NEK7: variants seen among roughly 807,000 people sequenced by gnomAD.
The protein encoded by NEK7 is NIMA related kinase 7, also known as serine/threonine-protein kinase Nek7.
Under a neutral mutation model 44.6 loss-of-function variants are expected in NEK7, and 18 were observed. That is an observed-to-expected ratio of 0.40 (90% confidence interval 0.28 to 0.60). The LOEUF (loss-of-function observed/expected upper bound fraction) is 0.60, where lower values mean the gene tolerates loss of function less well. Among genes scored for constraint, NEK7 ranks in the 20% least tolerant of loss-of-function variants. The pLI, the probability that NEK7 is intolerant of heterozygous loss-of-function variation, is 0.38. For synonymous variants in NEK7, 130 were observed against 121.1 expected, an observed-to-expected ratio of 1.07 and a Z score of -0.48; for missense variants, 256 against 366.5, an observed-to-expected ratio of 0.70 and a Z score of 2.46.
intron 6 of NEK7, among the ~76,000 whole-genome samples, 199 bp downstream of exon 6, chr1:198,278,268 TTTGAGC>T (rs1350130322): frequency 1.4e-4 from 21 of 151,554 alleles, no homozygotes; most frequent in African/African-American, 4.6e-4. Flanking sequence ...GCTTGACTCT[TTTGAGC>T]ATCTTACTAA....
At chr1:198,202,482 G>A (rs1041181752) in intron 1 of NEK7, among the ~76,000 whole-genome samples, 7 of 152,192 alleles carry the variant, frequency 4.6e-5, no homozygotes, top group Non-Finnish European at 8.8e-5. Flanking sequence ...GGTGTTCCAC[G>A]TCCGTGTTCT....
chr1:198,290,098 G>A (rs1654506328), intron 7 of NEK7, among the ~76,000 whole-genome samples: 1 of 152,104 alleles, frequency 6.6e-6, no homozygotes, highest in African/African-American at 2.4e-5. Context: ...CATGTCCGAA[G>A]GTTAAAGTGG....
rs1654738531 is a variant in NEK7, at chr1:198,297,134, C to T, written c.692C>T (p.Ala231Val). Residue 231 changes from alanine to valine, a missense_variant, in exon 9 of 10, where the codon GCA (alanine) becomes GTA (valine). By Grantham distance (64) the Ala-to-Val change is moderately conservative. This residue lies in a region of NEK7 where 102 missense variants were observed against 205.2 expected (regional missense o/e 0.50). Transcript: ENST00000367385. Reference protein sequence around the residue: ...SLGCLLYEMAALQSPFYGDKM... With the variant: ...SLGCLLYEMAVLQSPFYGDKM... ...ATTGGGGGCATTTTACAGATGGCTGCATTACAAAGTCCTTTCTATGGTGAC... is the reference window on the plus strand; with the variant it reads ...ATTGGGGGCATTTTACAGATGGCTGTATTACAAAGTCCTTTCTATGGTGAC... 1 of 1,607,432 alleles carries T rather than the reference C, an allele frequency of 6.2e-7. No homozygotes were observed. The highest frequency in any genetic ancestry group is 8.5e-7 in the Non-Finnish European group (1 of 1,174,670).
chr1:198,265,478 G>A (rs1029495347), intron 5 of NEK7, among the ~76,000 whole-genome samples: 1 of 152,148 alleles, frequency 6.6e-6, no homozygotes, highest in East Asian at 1.9e-4. Flanking sequence ...GAAAAGGGAA[G>A]CCTTTGGGTA....
intron 9 of NEK7, among the ~76,000 whole-genome samples, chr1:198,304,634 C>T (rs1195003460): frequency 5.3e-5 from 8 of 152,108 alleles, no homozygotes; most frequent in Non-Finnish European, 1.0e-4. Context: ...ATTACCTGTA[C>T]GTGACTGAAC....
chr1:198,306,640 G>A (rs1431948309), intron 9 of NEK7, among the ~76,000 whole-genome samples: 2 of 152,120 alleles, frequency 1.3e-5, no homozygotes, highest in Non-Finnish European at 2.9e-5. Flanking sequence ...GGTGTGAGAT[G>A]TGACCTTGTT....
chr1:198,204,628 A>T (rs1013788538), intron 1 of NEK7, among the ~76,000 whole-genome samples: 7 of 150,234 alleles, frequency 4.7e-5, no homozygotes, highest in Non-Finnish European at 7.4e-5. Context: ...CTGAGGCAGG[A>T]GAATGGCATG....
Position 198,252,999 on chromosome 1 carries a change from T to C in NEK7, c.58-41T>C, listed in dbSNP as rs562293117. 24 of 1,561,386 alleles carry C rather than the reference T, an allele frequency of 1.5e-5. No individual in the cohort carries two copies. In the South Asian group the frequency reaches 2.8e-4, roughly 18 times the overall value. On this transcript the variant is annotated intron_variant, in intron 2 of 9. Transcript: ENST00000367385. ...TCAGTGATTGTGTGTATTGCGTGTA[T>C]ATTGTGTGATTGAAAATTTTTCTGA... is the stretch of plus-strand genomic sequence containing the variant.
chr1:198,314,885 T>G (rs1386995169), intron 9 of NEK7, among the ~76,000 whole-genome samples: 1 of 152,190 alleles, frequency 6.6e-6, no homozygotes, highest in East Asian at 1.9e-4. Context: ...GCTGTCCTTT[T>G]GTTTGTCTGT....
At chr1:198,267,958 T>C (rs966533563) in intron 5 of NEK7, among the ~76,000 whole-genome samples, 1 of 152,012 alleles carries the variant, frequency 6.6e-6, no homozygotes, top group Non-Finnish European at 1.5e-5. Context: ...GTCTTCATTC[T>C]GCTTGATTTC....
At chr1:198,257,040 G>A (rs180872966) in intron 3 of NEK7, among the ~76,000 whole-genome samples, 5 of 152,132 alleles carry the variant, frequency 3.3e-5, no homozygotes, top group Non-Finnish European at 7.4e-5. Context: ...TAAATAATAC[G>A]TGAGGTATTT....
intron 7 of NEK7, 136 bp downstream of exon 7, chr1:198,279,197 C>T (rs935936012): frequency 1.0e-5 from 5 of 500,444 alleles, no homozygotes; most frequent in Middle Eastern, 4.2e-4. Context: ...GAACAGATGC[C>T]TGCAACTCTC....
At chr1:198,200,562 T>C (rs575040184) in intron 1 of NEK7, among the ~76,000 whole-genome samples, 1 of 151,780 alleles carries the variant, frequency 6.6e-6, no homozygotes, top group South Asian at 2.1e-4. Flanking sequence ...CTTTTTTTTT[T>C]TTTTTGGAGA....
intron 2 of NEK7, among the ~76,000 whole-genome samples, chr1:198,241,154 T>G (rs751933050): frequency 8.5e-5 from 13 of 152,256 alleles, no homozygotes; most frequent in Non-Finnish European, 1.6e-4. Flanking sequence ...CATTCTAATC[T>G]GTTTGTTAGA....
At chr1:198,287,293 A>G (rs1050035678) in intron 7 of NEK7, among the ~76,000 whole-genome samples, 5 of 152,086 alleles carry the variant, frequency 3.3e-5, no homozygotes, top group African/African-American at 1.2e-4. Flanking sequence ...CATCCTGGCT[A>G]ACACGGTGAA....
chr1:198,231,525 T>G (rs958237452), intron 1 of NEK7, among the ~76,000 whole-genome samples: 2 of 151,412 alleles, frequency 1.3e-5, no homozygotes. Context: ...TATTAAAGGT[T>G]AAAAAATAAA....
chr1:198,232,146 G>A (rs906719872), intron 1 of NEK7, among the ~76,000 whole-genome samples: 4 of 152,090 alleles, frequency 2.6e-5, no homozygotes, highest in Non-Finnish European at 5.9e-5. Context: ...ATAAAAGAAA[G>A]TACTAACATT....
At chr1:198,162,541 A>G (rs897479873) in intron 1 of NEK7, among the ~76,000 whole-genome samples, 2 of 152,126 alleles carry the variant, frequency 1.3e-5, no homozygotes, top group Admixed American at 6.5e-5. Flanking sequence ...TTGTAAATGT[A>G]TGGTAGCAGG....
At chr1:198,185,520 A>G (rs1475411293) in intron 1 of NEK7, among the ~76,000 whole-genome samples, 2 of 152,096 alleles carry the variant, frequency 1.3e-5, no homozygotes, top group Admixed American at 6.5e-5. Context: ...GTAGAACTAG[A>G]TATCTAATTT....
Sources: gnomAD v4.1 joint callset for allele counts (sites outside exome capture counted in the v4.1 genomes callset) on GRCh38, gnomAD v4.1.1 for gene constraint, gnomAD v4.1.1 regional missense constraint, MANE v1.5 for transcripts, NCBI Gene and HGNC (gene_info 2026-07-23, HGNC 2026-07-21) for gene names.